Variants in FAT2 observed in about 807,000 individuals in gnomAD.
FAT2 encodes protocadherin Fat 2.
Under a neutral mutation model 295.3 loss-of-function variants are expected in FAT2, and 150 were observed. The ratio of observed to expected loss-of-function variants is 0.51; its 90% CI spans 0.44 to 0.58. The LOEUF (loss-of-function observed/expected upper bound fraction) is 0.58, where lower values mean the gene tolerates loss of function less well. Ranked by LOEUF, FAT2 falls within the 20% of genes least tolerant of loss-of-function variation. FAT2 has a pLI of 0.00. For missense variants in FAT2, 4,868 were observed against 5,442.7 expected, an observed-to-expected ratio of 0.89 and a Z score of 3.32; for synonymous variants, 2,026 against 2,150.3, an observed-to-expected ratio of 0.94 and a Z score of 1.60.
At chr5:151,556,704 A>C (rs1414457166) in intron 3 of FAT2, among the ~76,000 whole-genome samples, 2 of 152,164 alleles carry the variant, frequency 1.3e-5, no homozygotes, top group Non-Finnish European at 2.9e-5. Flanking sequence ...TGAAATATTC[A>C]ATACTTTATT....
intron 22 of FAT2, 98 bp downstream of exon 22, chr5:151,509,923 C>T: frequency 3.6e-6 from 5 of 1,396,368 alleles, no homozygotes; most frequent in African/African-American, 2.9e-5. Context: ...GTCCCTGCAG[C>T]ACTCTCCCCT....
At chr5:151,524,322 T>G (rs987337027) in intron 18 of FAT2, among the ~76,000 whole-genome samples, 1 of 152,230 alleles carries the variant, frequency 6.6e-6, no homozygotes, top group Non-Finnish European at 1.5e-5. Flanking sequence ...AGTGCCTGTT[T>G]TGGACTCTAT....
intron 6 of FAT2, among the ~76,000 whole-genome samples, chr5:151,552,556 T>C (rs544270004): frequency 5.3e-5 from 8 of 152,174 alleles, no homozygotes; most frequent in Non-Finnish European, 1.0e-4. Context: ...CTAAATTGTA[T>C]GCAGATTTAC....
intron 9 of FAT2, among the ~76,000 whole-genome samples, chr5:151,546,940 G>A (rs1756697672): frequency 6.6e-6 from 1 of 152,060 alleles, no homozygotes; most frequent in African/African-American, 2.4e-5. Flanking sequence ...CAAGGCTCCT[G>A]AGCAAATATC....
intron 3 of FAT2, among the ~76,000 whole-genome samples, chr5:151,556,998 C>A (rs1250595628): frequency 6.6e-6 from 1 of 152,106 alleles, no homozygotes; most frequent in East Asian, 1.9e-4. Flanking sequence ...AGGTGAAGTT[C>A]CCAGCTACTT....
rs1415152424 is a variant in FAT2, at chr5:151,505,422, G to A, written c.*143C>T. On this transcript the variant is annotated 3_prime_UTR_variant, in exon 24 of 24. Transcript: ENST00000261800. ...AGGGACTAGGTGGGGGATTGGAAGA[G>A]CACATTTCAAGGGACAACAGCCTGG... The A allele has an allele frequency of 3.1e-6, 3 of 968,620 alleles. No individual in the cohort carries two copies. The highest frequency in any genetic ancestry group is 1.6e-5 in the South Asian group (1 of 62,170). The allele number at this position is 968,620 out of a possible 1,614,324, so 60.0% of individuals were successfully genotyped here.
At chr5:151,576,370 GA>G (rs1474756134) in intron 1 of FAT2, among the ~76,000 whole-genome samples, 1 of 152,116 alleles carries the variant, frequency 6.6e-6, no homozygotes. Context: ...GTGCATATTA[GA>G]ATTACCAGGA....
chr5:151,546,219 G>T lies in FAT2; in HGVS notation c.4908C>A (p.Gly1636=), dbSNP rs1756617367. 1 of 1,614,040 alleles carries T rather than the reference G, an allele frequency of 6.2e-7. No homozygotes were observed. Among genetic ancestry groups the T allele is most frequent in the South Asian group, 1.1e-5 (1 of 91,090 alleles). The change falls in exon 10 of 24, where the codon GGC becomes GGA. Residue 1636 remains glycine, a synonymous_variant. Coordinates refer to ENST00000261800, the MANE Select transcript of FAT2 (RefSeq NM_001447.3). The stretch of plus-strand genomic sequence containing the variant: ...TAGCCAGGTCATGCCATTGTGGGGA[G>T]CCTTGATCTTCTGCCTTCACTGTCA... ...HTLTVKAEDQ[G]SPQWHDLATV... is the part of the protein sequence containing the mutation.
chr5:151,565,647 A>AGGGGCCCCCCC, intron 2 of FAT2, 26 bp downstream of exon 2: 1 of 1,461,024 alleles, frequency 6.8e-7, no homozygotes. Flanking sequence ...TGGCCCTGGC[A>AGGGGCCCCCCC]CCCCACCCTA....
intron 12 of FAT2, among the ~76,000 whole-genome samples, chr5:151,536,230 A>C (rs939137045): frequency 5.4e-5 from 8 of 149,268 alleles, no homozygotes; most frequent in Non-Finnish European, 1.0e-4. Context: ...AGAAAAAAAA[A>C]CGCCATTTTT....
At chr5:151,590,035 A>T (rs1759337732) in intron 1 of FAT2, among the ~76,000 whole-genome samples, 1 of 152,232 alleles carries the variant, frequency 6.6e-6, no homozygotes, top group Non-Finnish European at 1.5e-5. Context: ...GACATGATTA[A>T]TGAAATTCTC....
intron 19 of FAT2, among the ~76,000 whole-genome samples, chr5:151,519,826 A>G (rs1753255622): frequency 6.6e-6 from 1 of 152,172 alleles, no homozygotes; most frequent in African/African-American, 2.4e-5. Flanking sequence ...TCTTCAATGC[A>G]AGCCCTTGCA....
rs1554127709 is a variant in FAT2 at position 151,537,292 on chromosome 5, A to AGGAG, written c.9193+497_9193+500dup. Among the ~76,000 whole-genome samples, 633 of 149,296 alleles carry AGGAG rather than the reference A, an allele frequency of 4.2e-3. 6 individuals are homozygous for AGGAG. Among genetic ancestry groups the AGGAG allele is most frequent in the African/African-American group, 0.015 (590 of 40,228 alleles). On this transcript the variant is annotated intron_variant, in intron 12 of 23. Transcript: ENST00000261800. ...ATGGTGGTGGTGGAGGAGGAGGAGG[A>AGGAG]GGAGGGAGAGAGGGAAGAAAAAGAA...
intron 3 of FAT2, among the ~76,000 whole-genome samples, 186 bp from the exon 4 acceptor site, chr5:151,556,588 T>C (rs943674787): frequency 6.6e-6 from 1 of 152,232 alleles, no homozygotes; most frequent in African/African-American, 2.4e-5. Flanking sequence ...GGTGTGGAAG[T>C]GATACACATT....
chr5:151,572,717 G>C (rs1164802549), intron 1 of FAT2, among the ~76,000 whole-genome samples: 1 of 152,240 alleles, frequency 6.6e-6, no homozygotes, highest in African/African-American at 2.4e-5. Context: ...TTCGTTATTA[G>C]ATTTTAATGC....
At position 151,546,051 on chromosome 5, in the gene FAT2, A is replaced by C. The variant is rs1351950303; in HGVS notation, c.5076T>G (p.Tyr1692Ter). 2 of 1,614,198 alleles carry C rather than the reference A, an allele frequency of 1.2e-6. No homozygotes were observed. Among genetic ancestry groups the C allele is most frequent in the Admixed American group, 1.7e-5 (1 of 60,032 alleles). ...CATCCTTATTTCCCTCTCTTAACTC[A>C]TAGGTAACTTCAGAGGGGCTCATAG... The part of the protein sequence containing the change: ...VSAMSPSEVT[Y>*]ELREGNKDGV... Residue 1692 changes from tyrosine (Y) to a stop codon, truncating the protein, a stop_gained, in exon 10 of 24, where the codon TAT (tyrosine) becomes TAG (stop). Transcript: ENST00000261800. LOFTEE classifies it high-confidence loss of function.
rs2127584379 is a variant in FAT2, at chr5:151,525,879, T to G, written c.10395A>C (p.Arg3465=). 1.2e-6 allele frequency: 2 copies of G among 1,614,150 alleles called. No individual in the cohort carries two copies. Among genetic ancestry groups the G allele is most frequent in the East Asian group, 4.5e-5 (2 of 44,884 alleles). Reference sequence around the variant, plus strand: ...CAGAGCCGTTGTTCCCCTTGGTGATTCGAAACGAGTAGGGGGGGCCATTCT... The same window carrying G: ...CAGAGCCGTTGTTCCCCTTGGTGATGCGAAACGAGTAGGGGGGGCCATTCT... ...SPENGPPYSF[R]ITKGNNGSAF... The change falls in exon 18 of 24, where the codon CGA becomes CGC. Residue 3465 remains arginine, a synonymous_variant. Coordinates refer to ENST00000261800, the MANE Select transcript of FAT2 (RefSeq NM_001447.3).
At position 151,517,748 on chromosome 5, in the gene FAT2, T is replaced by C. The variant is rs935128481; in HGVS notation, c.11335A>G (p.Ser3779Gly). The change falls in exon 20 of 24, where the codon AGT becomes GGT. Residue 3779 changes from serine to glycine, a missense_variant. By Grantham distance (56) the Ser-to-Gly change is moderately conservative. Around this residue, in one of 5 missense-constraint regions of FAT2, gnomAD observed 1,046 missense variants for 1,210.1 expected, o/e 0.86. Transcript: ENST00000261800. ...CTGTACCGCACATAGCTCTGACCAC[T>C]GAACCTTGTAGCAGTACCTGAGAAA... ...CSCNGTATRF[S>G]GQSYVRYRAP... 6.2e-7 allele frequency: 1 copy of C among 1,614,206 alleles called. No homozygotes were observed.
chr5:151,545,719 T>G lies in FAT2; in HGVS notation c.5408A>C (p.Lys1803Thr), dbSNP rs758976842. 1.2e-6 allele frequency: 2 copies of G among 1,614,130 alleles called. No homozygotes were observed. The highest frequency in any genetic ancestry group is 1.1e-5 in the South Asian group (1 of 91,054). ...DKEANSLLVY[K>T]ILEPEALKFF... ...CTTCAAGGCCTCCGGCTCCAAAATT[T>G]TATAGACCAACAAGGAATTAGCTTC... Residue 1803 changes from lysine to threonine, a missense_variant, in exon 10 of 24, where the codon AAA (lysine) becomes ACA (threonine). By Grantham distance (78) the Lys-to-Thr change is moderately conservative. Coordinates refer to ENST00000261800, the MANE Select transcript of FAT2 (RefSeq NM_001447.3).
Sources: allele counts gnomAD v4.1 joint callset (sites outside exome capture counted in the v4.1 genomes callset), GRCh38; gene constraint gnomAD v4.1.1; regional missense constraint gnomAD v4.1.1; transcripts MANE v1.5; gene names NCBI Gene and HGNC (gene_info 2026-07-23, HGNC 2026-07-21).